Variants in DGKB observed in about 807,000 individuals in gnomAD.
DGKB encodes diacylglycerol kinase beta, also known as 90 kDa diacylglycerol kinase.
A neutral mutation model predicts 114.3 loss-of-function variants in DGKB; 67 were observed. The ratio of observed to expected loss-of-function variants is 0.59; its 90% CI spans 0.48 to 0.72. DGKB has a LOEUF of 0.72. Among genes scored for constraint, DGKB ranks in the 30% least tolerant of loss-of-function variants. The pLI, the probability that DGKB is intolerant of heterozygous loss-of-function variation, is 0.00. For missense variants in DGKB, 907 were observed against 975.2 expected, an observed-to-expected ratio of 0.93 and a Z score of 0.93; for synonymous variants, 398 against 323.1, an observed-to-expected ratio of 1.23 and a Z score of -2.49.
At chr7:14,739,432 T>C (rs1564067843) in intron 4 of DGKB, among the ~76,000 whole-genome samples, 1 of 152,194 alleles carries the variant, frequency 6.6e-6, no homozygotes, top group Non-Finnish European at 1.5e-5. Context: ...AGCTCATGTG[T>C]GGTGGCCTGG....
intron 23 of DGKB, among the ~76,000 whole-genome samples, chr7:14,223,760 T>C (rs919796047): frequency 6.6e-6 from 1 of 151,776 alleles, no homozygotes; most frequent in African/African-American, 2.4e-5. Flanking sequence ...TGAGAGACTT[T>C]TGATCAATAC....
At chr7:14,921,468 T>C (rs1468223104) in intron 1 of DGKB, among the ~76,000 whole-genome samples, 1 of 152,140 alleles carries the variant, frequency 6.6e-6, no homozygotes, top group Non-Finnish European at 1.5e-5. Context: ...AAAAATAACA[T>C]AACCCATGTG....
At chr7:14,162,359 G>T (rs1292997267) in intron 25 of DGKB, among the ~76,000 whole-genome samples, 2 of 152,144 alleles carry the variant, frequency 1.3e-5, no homozygotes, top group African/African-American at 4.8e-5. Context: ...TTTCGAACTG[G>T]ATGTGAATAT....
intron 13 of DGKB, among the ~76,000 whole-genome samples, chr7:14,660,855 G>A (rs746787509): frequency 2.6e-5 from 4 of 151,972 alleles, no homozygotes; most frequent in Admixed American, 6.6e-5. Context: ...CCAAAACAGA[G>A]ATATAGATCA....
intron 23 of DGKB, among the ~76,000 whole-genome samples, chr7:14,281,513 A>C (rs976052066): frequency 8.8e-5 from 13 of 147,436 alleles, no homozygotes; most frequent in Middle Eastern, 3.4e-3. Context: ...AAGCGGACCT[A>C]ATAGACATCT....
At chr7:14,464,294 A>G (rs544722480) in intron 21 of DGKB, among the ~76,000 whole-genome samples, 4 of 152,332 alleles carry the variant, frequency 2.6e-5, no homozygotes, top group South Asian at 4.1e-4. Context: ...ATCACAGTAC[A>G]TGAAACTTTC....
intron 24 of DGKB, among the ~76,000 whole-genome samples, chr7:14,177,198 A>C (rs906233130): frequency 6.6e-6 from 1 of 152,104 alleles, no homozygotes; most frequent in Non-Finnish European, 1.5e-5. Flanking sequence ...CTACAGCCAA[A>C]AGAGATTCCT....
chr7:14,905,214 G>A (rs1455751649), upstream of DGKB, among the ~76,000 whole-genome samples: 1 of 147,370 alleles, frequency 6.8e-6, no homozygotes, highest in East Asian at 2.0e-4. Context: ...TAAAATAATT[G>A]GTAATGAGTA....
chr7:14,954,970 C>T (rs140093706), intron 1 of DGKB, among the ~76,000 whole-genome samples: 1 of 151,878 alleles, frequency 6.6e-6, no homozygotes, highest in Non-Finnish European at 1.5e-5. Flanking sequence ...TGAGCCTGAA[C>T]AAACTTCAAC....
In DGKB at chr7:14,157,747, C is replaced by T. The variant is rs546459804; in HGVS notation, c.2305-8509G>A. ...CATTTTAAAAGCATTTTTATTATTT[C>T]CATGTCTCTACAGAGAAATGATCCT... On this transcript the variant is annotated intron_variant, in intron 25 of 25. Coordinates refer to ENST00000402815, the MANE Select transcript of DGKB (RefSeq NM_001350709.2). 2.0e-5 allele frequency among the ~76,000 whole-genome samples: 3 copies of T among 152,228 alleles called. 1 individual carries two copies. In the South Asian group the frequency reaches 6.2e-4, roughly 32 times the overall value.
At chr7:14,526,275 G>A (rs1208657879) in intron 20 of DGKB, among the ~76,000 whole-genome samples, 2 of 152,002 alleles carry the variant, frequency 1.3e-5, no homozygotes, top group East Asian at 3.9e-4. Context: ...ATACAGTATT[G>A]CACATTACAA....
intron 25 of DGKB, among the ~76,000 whole-genome samples, chr7:14,151,852 A>G (rs1343589159): frequency 6.6e-6 from 1 of 152,100 alleles, no homozygotes; most frequent in Non-Finnish European, 1.5e-5. Context: ...GTCTCTTCAC[A>G]TGCCTTATTT....
chr7:14,237,960 C>G (rs1793055422), intron 23 of DGKB, among the ~76,000 whole-genome samples: 1 of 151,990 alleles, frequency 6.6e-6, no homozygotes, highest in Non-Finnish European at 1.5e-5. Context: ...ACATATGTCA[C>G]TAAAACTTCA....
At chr7:14,747,910 T>G (rs1300352236) in intron 4 of DGKB, among the ~76,000 whole-genome samples, 1 of 152,204 alleles carries the variant, frequency 6.6e-6, no homozygotes. Flanking sequence ...CTGAGGGAGC[T>G]GCTCAGATGT....
intron 4 of DGKB, chr7:14,750,114 G>T (rs759033285): frequency 3.9e-6 from 2 of 517,842 alleles, no homozygotes; most frequent in Non-Finnish European, 7.7e-6. Flanking sequence ...AGAAACTAAG[G>T]CTCAGAAAAG....
chr7:14,498,887 G>A (rs1236969717), intron 20 of DGKB, among the ~76,000 whole-genome samples: 1 of 151,744 alleles, frequency 6.6e-6, no homozygotes. Flanking sequence ...GGTCAAGAGA[G>A]AGGAATCACT....
chr7:14,558,673 C>T (rs571368813), intron 20 of DGKB, among the ~76,000 whole-genome samples: 2 of 152,204 alleles, frequency 1.3e-5, no homozygotes, highest in East Asian at 1.9e-4. Flanking sequence ...TCCACCAAGC[C>T]GCTAAGAAAA....
chr7:14,314,945 C>T (rs966262900), intron 23 of DGKB, among the ~76,000 whole-genome samples: 1 of 151,388 alleles, frequency 6.6e-6, no homozygotes, highest in Non-Finnish European at 1.5e-5. Flanking sequence ...CGGCAGAAAC[C>T]CTACAAGCCA....
intron 1 of DGKB, among the ~76,000 whole-genome samples, chr7:14,846,530 T>A (rs1204137081): frequency 6.6e-6 from 1 of 152,226 alleles, no homozygotes. Context: ...AGCACATTCT[T>A]ATAGTCCCCG....
Sources: allele counts gnomAD v4.1 joint callset (sites outside exome capture counted in the v4.1 genomes callset), GRCh38; gene constraint gnomAD v4.1.1; transcripts MANE v1.5; gene names NCBI Gene and HGNC (gene_info 2026-07-23, HGNC 2026-07-21).